The following MBNL1 variants were observed in gnomAD, a reference collection of about 807,000 sequenced individuals.
The protein encoded by MBNL1 is muscleblind like splicing regulator 1.
In MBNL1, 8 loss-of-function variants were observed where a neutral mutation model predicts 42.2. The ratio of observed to expected loss-of-function variants is 0.19; its 90% confidence interval spans 0.11 to 0.34. MBNL1 has a LOEUF of 0.34. MBNL1 is among the 10% of genes least tolerant of loss of function. The pLI is 1.00. For synonymous variants in MBNL1, 169 were observed against 173.9 expected (o/e 0.97, Z 0.22); for missense variants, 309 against 495.3 (o/e 0.62, Z 3.57).
chr3:152,281,456 A>G (rs1559989561), intron 1 of MBNL1, among the ~76,000 whole-genome samples: 2 of 152,224 alleles, frequency 1.3e-5, no homozygotes. Context: ...ATGAAAGAGC[A>G]GACTATGGAA....
intron 2 of MBNL1, among the ~76,000 whole-genome samples, chr3:152,354,097 T>C (rs2095324328): frequency 6.6e-6 from 1 of 152,214 alleles, no homozygotes; most frequent in Non-Finnish European, 1.5e-5. Context: ...CTTTTATTCA[T>C]GTTCTCTCAC....
chr3:152,314,631 T>G (rs2069450277), intron 2 of MBNL1, among the ~76,000 whole-genome samples: 1 of 152,190 alleles, frequency 6.6e-6, no homozygotes, highest in Non-Finnish European at 1.5e-5. Flanking sequence ...TGTCTCAGCC[T>G]CCCAAAGTGC....
In MBNL1 at chr3:152,372,961, C is replaced by G. The variant is rs528141590; in HGVS notation, c.175-41980C>G. ...GGGAGTTTTATCTGTTAGCCCCTGA[C>G]TGGGGCTGCTGCCTTTCTTTCAGAG... On this transcript the variant is annotated intron_variant, in intron 2 of 9. Coordinates refer to ENST00000324210, the MANE Select transcript of MBNL1 (RefSeq NM_021038.5). Among the ~76,000 whole-genome samples, 318 of 152,342 alleles carry G rather than the reference C, an allele frequency of 2.1e-3. 2 individuals are homozygous for G. Among genetic ancestry groups the G allele is most frequent in the African/African-American group, 7.1e-3 (295 of 41,580 alleles).
intron 2 of MBNL1, among the ~76,000 whole-genome samples, chr3:152,257,676 A>C (rs190868480): frequency 6.6e-6 from 1 of 152,238 alleles, no homozygotes; most frequent in Non-Finnish European, 1.5e-5. Flanking sequence ...TTTTTCAGGG[A>C]GGTAGGAGTA....
Position 152,299,583 on chromosome 3 carries a change from G to A in MBNL1, c.-611G>A, listed in dbSNP as rs1235268537. 2.5e-6 allele frequency: 1 copy of A among 397,160 alleles called. No homozygotes were observed. Among genetic ancestry groups the A allele is most frequent in the Non-Finnish European group, 4.4e-6 (1 of 225,338 alleles). 24.6% of individuals were successfully genotyped at this position (397,160 alleles called of 1,614,324 possible). ...ATCAAGAGAAAAGCTCTAAGTATCTGGCATTGCCCTAGGCTGCTTTAGTGT... is the reference window on the plus strand; with the variant it reads ...ATCAAGAGAAAAGCTCTAAGTATCTAGCATTGCCCTAGGCTGCTTTAGTGT... On this transcript the variant is annotated 5_prime_UTR_variant, in exon 2 of 10. Transcript: ENST00000324210.
At chr3:152,352,119 T>C (rs1307867650) in intron 2 of MBNL1, among the ~76,000 whole-genome samples, 1 of 152,198 alleles carries the variant, frequency 6.6e-6, no homozygotes, top group Non-Finnish European at 1.5e-5. Context: ...TATGTAAAGC[T>C]ATAAAATGTG....
intron 2 of MBNL1, among the ~76,000 whole-genome samples, chr3:152,322,196 A>G (rs978282157): frequency 3.3e-5 from 5 of 152,228 alleles, no homozygotes; most frequent in Admixed American, 2.6e-4. Context: ...TGGAAGCTTT[A>G]TAAGGCCGTG....
At chr3:152,356,660 G>A (rs1029559576) in intron 2 of MBNL1, among the ~76,000 whole-genome samples, 13 of 152,076 alleles carry the variant, frequency 8.5e-5, no homozygotes, top group Admixed American at 7.9e-4. Context: ...AGTAGAGACC[G>A]GGTTTCACCA....
chr3:152,328,465 A>ACTCAGCTTTT (rs1301726070), intron 2 of MBNL1, among the ~76,000 whole-genome samples: 7 of 152,078 alleles, frequency 4.6e-5, no homozygotes, highest in Non-Finnish European at 1.0e-4. Flanking sequence ...TAAAGCAGAA[A>ACTCAGCTTTT]CTCAGCTTTT....
intron 1 of MBNL1, among the ~76,000 whole-genome samples, chr3:152,287,700 A>C (rs1202035399): frequency 6.6e-6 from 1 of 152,136 alleles, no homozygotes; most frequent in Non-Finnish European, 1.5e-5. Flanking sequence ...TTAATAAACA[A>C]TTTGCAGTTA....
intron 1 of MBNL1, among the ~76,000 whole-genome samples, chr3:152,293,934 T>C (rs1446809891): frequency 6.6e-6 from 1 of 151,924 alleles, no homozygotes; most frequent in Non-Finnish European, 1.5e-5. Flanking sequence ...ATGTGACTCT[T>C]AAATAGGCAT....
chr3:152,277,664 T>A (rs2150159485), intron 1 of MBNL1, among the ~76,000 whole-genome samples: 1 of 152,266 alleles, frequency 6.6e-6, no homozygotes, highest in Middle Eastern at 3.4e-3. Flanking sequence ...ATTGGAATAC[T>A]TACATGTCTT....
chr3:152,347,624 A>G (rs1002755023), intron 2 of MBNL1, among the ~76,000 whole-genome samples: 4 of 152,148 alleles, frequency 2.6e-5, no homozygotes, highest in African/African-American at 9.7e-5. Flanking sequence ...GTAAGAAGAC[A>G]GTGTGAAAAA....
intron 2 of MBNL1, among the ~76,000 whole-genome samples, chr3:152,248,687 T>C (rs2033764267): frequency 6.6e-6 from 1 of 152,084 alleles, no homozygotes; most frequent in Admixed American, 6.6e-5. Context: ...TACATATGTA[T>C]ACATGTGCCA....
At chr3:152,391,330 TG>T (rs1355580903) in intron 2 of MBNL1, among the ~76,000 whole-genome samples, 4 of 152,242 alleles carry the variant, frequency 2.6e-5, no homozygotes, top group African/African-American at 9.6e-5. Context: ...ATTCTAAGTT[TG>T]AACCATGAAA....
intron 1 of MBNL1, among the ~76,000 whole-genome samples, chr3:152,286,324 A>G (rs911229175): frequency 2.1e-5 from 3 of 144,118 alleles, no homozygotes; most frequent in Non-Finnish European, 4.6e-5. Flanking sequence ...TAATACAAAT[A>G]TTTAATTATA....
intron 1 of MBNL1, chr3:152,299,128 T>C (rs149028079): frequency 1.3e-5 from 2 of 152,768 alleles, no homozygotes; most frequent in African/African-American, 4.8e-5. Context: ...CACTATTGGC[T>C]TTCTGCCCAG....
intron 2 of MBNL1, among the ~76,000 whole-genome samples, chr3:152,332,744 G>GCA (rs2086031282): frequency 6.7e-6 from 1 of 148,536 alleles, no homozygotes; most frequent in Non-Finnish European, 1.5e-5. Context: ...GTGTGTGCGC[G>GCA]CGCGCATGCG....
chr3:152,379,637 A>G (rs1302389941), intron 2 of MBNL1, among the ~76,000 whole-genome samples: 1 of 152,198 alleles, frequency 6.6e-6, no homozygotes, highest in Non-Finnish European at 1.5e-5. Flanking sequence ...GGCATTACAC[A>G]GGCAGAATCT....
Sources: gnomAD v4.1 joint callset for allele counts (sites outside exome capture counted in the v4.1 genomes callset) on GRCh38, gnomAD v4.1.1 for gene constraint, MANE v1.5 for transcripts, NCBI Gene and HGNC (gene_info 2026-07-23, HGNC 2026-07-21) for gene names.